CATSPERE: variants seen among roughly 807,000 people sequenced by gnomAD.
CATSPERE encodes the protein cation channel sperm-associated auxiliary subunit epsilon.
A neutral mutation model predicts 114.1 loss-of-function variants in CATSPERE; 93 were observed. That is an observed-to-expected ratio of 0.81 (90% CI 0.69 to 0.97). The LOEUF (loss-of-function observed/expected upper bound fraction) is 0.97. Among genes scored for constraint, CATSPERE ranks in the 50% least tolerant of loss-of-function variants. The pLI is 0.00. For synonymous variants in CATSPERE, 341 were observed against 384.1 expected, an observed-to-expected ratio of 0.89 and a Z score of 1.31; for missense variants, 1,058 against 1,131.6, an observed-to-expected ratio of 0.93 and a Z score of 0.93.
intron 8 of CATSPERE, among the ~76,000 whole-genome samples, chr1:244,551,541 C>T (rs1660628168): frequency 6.6e-6 from 1 of 152,078 alleles, no homozygotes; most frequent in Non-Finnish European, 1.5e-5. Flanking sequence ...ACACTCTATT[C>T]ATTTAACTAA....
rs371870435 is a variant in CATSPERE at position 244,610,998 on chromosome 1, G to A, written c.2490+672G>A. On this transcript the variant is annotated intron_variant, in intron 19 of 21. Coordinates refer to ENST00000366534, the MANE Select transcript of CATSPERE (RefSeq NM_001130957.2). ...CTGGTTTTGACTCCTGACCTCAAGT[G>A]ATCCACCTGCCTCAGCCTCCCAAAG... Among the ~76,000 whole-genome samples, 15 of 152,094 alleles carry A rather than the reference G, an allele frequency of 9.9e-5. 1 individual carries two copies. The highest frequency in any genetic ancestry group is 2.2e-4 in the African/African-American group (9 of 41,424).
intron 19 of CATSPERE, among the ~76,000 whole-genome samples, chr1:244,611,462 G>A (rs12184289): frequency 0.17 from 26,420 of 151,796 alleles, 2,451 homozygotes; most frequent in East Asian, 0.29. Flanking sequence ...GGGCCTGGTG[G>A]TGCATGCCTG....
intron 12 of CATSPERE, 95 bp downstream of exon 12, chr1:244,581,949 C>G (rs1449913947): frequency 1.9e-6 from 1 of 515,820 alleles, no homozygotes; most frequent in Admixed American, 4.5e-5. Flanking sequence ...GCCTCATATT[C>G]TTTTAAATAT....
At position 244,481,661 on chromosome 1, in the gene CATSPERE, C is replaced by T. The variant is rs933085762; in HGVS notation, c.326+1877C>T. On this transcript the variant is annotated intron_variant, in intron 5 of 21. Coordinates refer to ENST00000366534, the MANE Select transcript of CATSPERE (RefSeq NM_001130957.2). ...AATTTTTATGCTGAAACCTAATCCC[C>T]GATGTGATGGTATCTGAAGGTCACG... Among the ~76,000 whole-genome samples the T allele has an allele frequency of 3.3e-5, 5 of 151,988 alleles. 1 individual carries two copies. In the South Asian group the frequency reaches 8.3e-4, roughly 25 times the overall value.
intron 18 of CATSPERE, 76 bp downstream of exon 18, chr1:244,605,870 G>T: frequency 5.9e-6 from 6 of 1,010,186 alleles, no homozygotes; most frequent in Non-Finnish European, 8.7e-6. Flanking sequence ...TTATAAATAA[G>T]CGATCTAAGG....
At chr1:244,600,244 C>T (rs1669005476) in intron 17 of CATSPERE, among the ~76,000 whole-genome samples, 1 of 152,014 alleles carries the variant, frequency 6.6e-6, no homozygotes, top group South Asian at 2.1e-4. Flanking sequence ...CTATGCGATC[C>T]AGGGCTACTG....
Position 244,640,058 on chromosome 1 carries a change from CAAAG to C in CATSPERE, c.2837_2840del (p.Arg946AsnfsTer19). 1 of 1,548,344 alleles carries C rather than the reference CAAAG, an allele frequency of 6.5e-7. No homozygotes were observed. The highest frequency in any genetic ancestry group is 8.7e-7 in the Non-Finnish European group (1 of 1,145,698). On this transcript the variant is annotated frameshift_variant, in exon 22 of 22. Transcript: ENST00000366534. LOFTEE classifies it high-confidence loss of function. ...TATTTATGAACCACTTCACAAACCT[CAAAG>C]AAAACGTAAGAAGAATTAGGAAAAC...
At chr1:244,602,053 G>A (rs1669322576) in intron 17 of CATSPERE, among the ~76,000 whole-genome samples, 1 of 152,112 alleles carries the variant, frequency 6.6e-6, no homozygotes, top group African/African-American at 2.4e-5. Context: ...ATGAGGTCAA[G>A]GGGCAGATGA....
chr1:244,536,804 A>G (rs563680572), intron 8 of CATSPERE, among the ~76,000 whole-genome samples: 1 of 152,330 alleles, frequency 6.6e-6, no homozygotes, highest in Admixed American at 6.5e-5. Flanking sequence ...CCTATGGAGA[A>G]GAAGATTGGT....
intron 9 of CATSPERE, among the ~76,000 whole-genome samples, chr1:244,553,861 C>T (rs1020510110): frequency 3.3e-5 from 5 of 152,142 alleles, no homozygotes; most frequent in Non-Finnish European, 5.9e-5. Flanking sequence ...TAATATCTAT[C>T]ATTCCATTCT....
intron 20 of CATSPERE, among the ~76,000 whole-genome samples, chr1:244,629,004 C>G (rs1483452145): frequency 1.3e-5 from 2 of 152,194 alleles, no homozygotes; most frequent in Non-Finnish European, 1.5e-5. Flanking sequence ...TTATAAGAGG[C>G]AACCCAGGTT....
At chr1:244,500,298 T>C (rs781616950) in intron 7 of CATSPERE, among the ~76,000 whole-genome samples, 1 of 152,216 alleles carries the variant, frequency 6.6e-6, no homozygotes, top group African/African-American at 2.4e-5. Context: ...GTAGTTTGCC[T>C]TTTCACTCTG....
intron 8 of CATSPERE, among the ~76,000 whole-genome samples, chr1:244,522,053 C>T (rs1212261647): frequency 6.6e-6 from 1 of 152,126 alleles, no homozygotes; most frequent in Non-Finnish European, 1.5e-5. Context: ...CACCACACCA[C>T]ACCTATTCCA....
upstream of CATSPERE, chr1:244,452,055 G>A (rs902781451): frequency 6.9e-5 from 25 of 361,864 alleles, no homozygotes; most frequent in African/African-American, 4.6e-4. Flanking sequence ...CCGCCCGCAG[G>A]AAGAGGCCCT....
At chr1:244,515,442 A>G (rs1676461301) in intron 7 of CATSPERE, 3 of 329,942 alleles carry the variant, frequency 9.1e-6, no homozygotes, top group Non-Finnish European at 1.3e-5. Context: ...TTCTCAGACA[A>G]CTGGAAGTCA....
chr1:244,514,551 C>T (rs1558406002), intron 7 of CATSPERE, among the ~76,000 whole-genome samples: 1 of 151,950 alleles, frequency 6.6e-6, no homozygotes, highest in African/African-American at 2.4e-5. Context: ...GTGTCTGGGC[C>T]GGGCGCGGTG....
At chr1:244,553,019 A>G (rs993371431) in intron 9 of CATSPERE, among the ~76,000 whole-genome samples, 16 of 152,114 alleles carry the variant, frequency 1.1e-4, no homozygotes, top group Admixed American at 6.5e-5. Context: ...AATAAAATTA[A>G]TCTTGTATGT....
intron 20 of CATSPERE, 71 bp downstream of exon 20, chr1:244,617,757 A>T (rs887774763): frequency 2.4e-6 from 3 of 1,225,374 alleles, no homozygotes; most frequent in Admixed American, 3.6e-5. Context: ...AATTTGATGC[A>T]TCCTATACAT....
intron 20 of CATSPERE, among the ~76,000 whole-genome samples, chr1:244,621,109 TA>T (rs1672143769): frequency 1.2e-4 from 4 of 34,692 alleles, no homozygotes; most frequent in Non-Finnish European, 2.3e-4. Flanking sequence ...TATATAAATA[TA>T]TATATAATAT....
Sources: allele counts gnomAD v4.1 joint callset (sites outside exome capture counted in the v4.1 genomes callset), GRCh38; gene constraint gnomAD v4.1.1; transcripts MANE v1.5; gene names NCBI Gene and HGNC (gene_info 2026-07-23, HGNC 2026-07-21).